Variants in ASTN1 observed in about 807,000 individuals in gnomAD.
ASTN1 encodes astrotactin-1.
ASTN1 carries 41 observed loss-of-function variants against 140.7 expected under a neutral mutation model. The ratio of observed to expected loss-of-function variants is 0.29; its 90% confidence interval spans 0.23 to 0.38. The LOEUF (loss-of-function observed/expected upper bound fraction) is 0.38, where lower values mean the gene tolerates loss of function less well. Among genes scored for constraint, ASTN1 ranks in the 10% least tolerant of loss-of-function variants. The probability of loss-of-function intolerance (pLI) is 1.00; values close to 1 mark genes in which losing one functional copy is unlikely to be tolerated. For synonymous variants in ASTN1, 640 were observed against 652.2 expected (o/e 0.98, Z 0.29); for missense variants, 1,479 against 1,678.8 (o/e 0.88, Z 2.08).
chr1:177,151,361 G>A (rs1044777821), intron 1 of ASTN1, among the ~76,000 whole-genome samples: 17 of 151,750 alleles, frequency 1.1e-4, no homozygotes, highest in Admixed American at 3.3e-4. Context: ...TTTCAGGCAC[G>A]TAACAAAGTT....
At chr1:177,131,028 T>C (rs956002759) in intron 1 of ASTN1, among the ~76,000 whole-genome samples, 2 of 152,164 alleles carry the variant, frequency 1.3e-5, no homozygotes, top group Non-Finnish European at 2.9e-5. Context: ...AAAAGCACCT[T>C]CCCCTCAAGT....
At chr1:177,127,351 C>T (rs548688676) in intron 1 of ASTN1, among the ~76,000 whole-genome samples, 19 of 152,256 alleles carry the variant, frequency 1.2e-4, no homozygotes, top group South Asian at 2.1e-4. Flanking sequence ...GAAGACCCCA[C>T]GGTTAATGCT....
At chr1:176,895,020 T>C (rs1669446506) in intron 16 of ASTN1, among the ~76,000 whole-genome samples, 190 bp from the exon 17 acceptor site, 2 of 152,156 alleles carry the variant, frequency 1.3e-5, no homozygotes, top group South Asian at 4.1e-4. Flanking sequence ...GAGTTGGAAA[T>C]GGCCCTTTTC....
chr1:177,046,818 G>T lies in ASTN1; in HGVS notation c.472-13969C>A, dbSNP rs145098021. On this transcript the variant is annotated intron_variant, in intron 2 of 22. Transcript: ENST00000361833. ...GTTCAGTGGAGAAAAGGGAGCCACAGGACCAGAGACGAGGCCTGAAGAGAA... is the reference window on the plus strand; with the variant it reads ...GTTCAGTGGAGAAAAGGGAGCCACATGACCAGAGACGAGGCCTGAAGAGAA... Among the ~76,000 whole-genome samples, 473 of 152,248 alleles carry T rather than the reference G, an allele frequency of 3.1e-3. 1 individual carries two copies. The highest frequency in any genetic ancestry group is 0.011 in the African/African-American group (452 of 41,544).
intron 16 of ASTN1, among the ~76,000 whole-genome samples, chr1:176,922,963 C>A (rs896813595): frequency 6.6e-6 from 1 of 152,102 alleles, no homozygotes; most frequent in Non-Finnish European, 1.5e-5. Flanking sequence ...CTAGATATTG[C>A]GCTTTATGTA....
At chr1:177,155,261 G>C (rs1198336348) in intron 1 of ASTN1, among the ~76,000 whole-genome samples, 2 of 152,136 alleles carry the variant, frequency 1.3e-5, no homozygotes, top group Non-Finnish European at 2.9e-5. Context: ...TGATCAAACT[G>C]TTCTGTATGA....
At chr1:177,119,140 C>A (rs1440821367) in intron 1 of ASTN1, among the ~76,000 whole-genome samples, 2 of 152,130 alleles carry the variant, frequency 1.3e-5, no homozygotes, top group Non-Finnish European at 2.9e-5. Flanking sequence ...CATCTCATGG[C>A]ATGGTAACTT....
intron 11 of ASTN1, among the ~76,000 whole-genome samples, chr1:176,950,334 A>G (rs1163206198): frequency 1.3e-5 from 2 of 152,166 alleles, no homozygotes; most frequent in Non-Finnish European, 2.9e-5. Context: ...TGCTCCTGGC[A>G]GAACCATGCT....
At chr1:177,068,234 C>T (rs75877920) in intron 1 of ASTN1, among the ~76,000 whole-genome samples, 1 of 152,316 alleles carries the variant, frequency 6.6e-6, no homozygotes, top group African/African-American at 2.4e-5. Flanking sequence ...ATCTCATTCT[C>T]ATTCCTCTTT....
Position 176,864,167 on chromosome 1 carries a change from T to A in ASTN1, c.*117A>T, listed in dbSNP as rs1432012143. ...AGGATCACTTTCTCCCTGGTTTCGA[T>A]GTTGCTGTGGAGGTTTTCATGTTCC... is the stretch of plus-strand genomic sequence containing the variant. On this transcript the variant is annotated 3_prime_UTR_variant, in exon 23 of 23. Transcript: ENST00000361833. 1.3e-6 allele frequency: 2 copies of A among 1,502,108 alleles called. No individual in the cohort carries two copies. Among genetic ancestry groups the A allele is most frequent in the African/African-American group, 2.8e-5 (2 of 71,762 alleles). 93.0% of individuals were successfully genotyped at this position (1,502,108 alleles called of 1,614,324 possible). A position where few individuals can be genotyped will look rare whatever the true frequency, so the allele number is the denominator to read the frequency against.
chr1:177,064,719 C>A (rs1389055858), intron 1 of ASTN1, among the ~76,000 whole-genome samples: 1 of 152,250 alleles, frequency 6.6e-6, no homozygotes, highest in Non-Finnish European at 1.5e-5. Flanking sequence ...GGCACCATGC[C>A]TACCAAGGGT....
chr1:176,994,586 G>A (rs558024902), intron 8 of ASTN1, among the ~76,000 whole-genome samples: 13 of 152,118 alleles, frequency 8.5e-5, no homozygotes, highest in Admixed American at 3.9e-4. Flanking sequence ...CAAGTGATTC[G>A]CCTGCCTTGG....
At chr1:177,022,822 C>A (rs1373131677) in intron 7 of ASTN1, among the ~76,000 whole-genome samples, 1 of 152,036 alleles carries the variant, frequency 6.6e-6, no homozygotes, top group Non-Finnish European at 1.5e-5. Flanking sequence ...TACCAAATGG[C>A]CATTAAAATT....
intron 16 of ASTN1, among the ~76,000 whole-genome samples, chr1:176,907,635 G>A (rs555155733): frequency 5.3e-5 from 8 of 152,202 alleles, no homozygotes; most frequent in Non-Finnish European, 1.2e-4. Flanking sequence ...ACATAATCAT[G>A]CAAGTTCACC....
At chr1:177,083,875 G>T (rs1053327716) in intron 1 of ASTN1, among the ~76,000 whole-genome samples, 1 of 152,186 alleles carries the variant, frequency 6.6e-6, no homozygotes, top group Non-Finnish European at 1.5e-5. Flanking sequence ...CTTTCAGAGA[G>T]AGTCAGAGGT....
chr1:177,117,719 T>C (rs1681166838), intron 1 of ASTN1, among the ~76,000 whole-genome samples: 1 of 152,114 alleles, frequency 6.6e-6, no homozygotes, highest in South Asian at 2.1e-4. Flanking sequence ...CCTGGACCAC[T>C]CACCATTTCC....
At chr1:177,029,438 T>A (rs755565580) in intron 5 of ASTN1, 196 bp downstream of exon 5, 2 of 757,462 alleles carry the variant, frequency 2.6e-6, no homozygotes, top group South Asian at 2.8e-5. Context: ...CTGGGAGAGA[T>A]GATTCTCTGA....
At chr1:176,956,896 T>C (rs1025235051) in intron 11 of ASTN1, among the ~76,000 whole-genome samples, 1 of 152,054 alleles carries the variant, frequency 6.6e-6, no homozygotes, top group Non-Finnish European at 1.5e-5. Flanking sequence ...TACTAGTTAA[T>C]AGTATCACAT....
intron 8 of ASTN1, among the ~76,000 whole-genome samples, chr1:176,980,989 A>G (rs1673586071): frequency 6.6e-6 from 1 of 151,922 alleles, no homozygotes. Flanking sequence ...TGGTGGGTGG[A>G]TCACCTGAGC....
Sources: gnomAD v4.1 joint callset for allele counts (sites outside exome capture counted in the v4.1 genomes callset) on GRCh38, gnomAD v4.1.1 for gene constraint, MANE v1.5 for transcripts, NCBI Gene and HGNC (gene_info 2026-07-23, HGNC 2026-07-21) for gene names.